The following PHACTR3 variants were observed in gnomAD, a reference collection of about 807,000 sequenced individuals.
The protein encoded by PHACTR3 is phosphatase and actin regulator 3.
PHACTR3 carries 16 observed loss-of-function variants against 66.8 expected under a neutral mutation model. The observed-to-expected ratio is 0.24, with a 90% CI of 0.16 to 0.36. PHACTR3 has a LOEUF of 0.36. Among genes scored for constraint, PHACTR3 ranks in the 10% least tolerant of loss-of-function variants. PHACTR3 has a pLI of 1.00. For missense variants in PHACTR3, 647 were observed against 719.9 expected (o/e 0.90, Z 1.16); for synonymous variants, 323 against 292.1 (o/e 1.11, Z -1.08).
chr20:59,808,619 G>A (rs1412768671), intron 8 of PHACTR3, among the ~76,000 whole-genome samples: 2 of 152,198 alleles, frequency 1.3e-5, no homozygotes, highest in East Asian at 1.9e-4. Context: ...CTCCCGGAGC[G>A]CCAGTGCCTC....
chr20:59,721,675 G>A (rs1284677810), intron 1 of PHACTR3, among the ~76,000 whole-genome samples: 2 of 152,214 alleles, frequency 1.3e-5, no homozygotes, highest in East Asian at 1.9e-4. Context: ...AAAGGGTGAT[G>A]AGTCGGGAGG....
chr20:59,636,236 A>G (rs1349429691), intron 1 of PHACTR3, among the ~76,000 whole-genome samples: 3 of 152,208 alleles, frequency 2.0e-5, no homozygotes, highest in Non-Finnish European at 4.4e-5. Flanking sequence ...GTTATAAGCC[A>G]GTTCCTGAGT....
intron 1 of PHACTR3, among the ~76,000 whole-genome samples, chr20:59,587,423 G>A (rs767781992): frequency 2.1e-4 from 32 of 152,336 alleles, no homozygotes; most frequent in African/African-American, 7.5e-4. Context: ...GGCTTTCCTC[G>A]TGGATGGAGT....
At chr20:59,729,124 G>A (rs1007269119) in intron 1 of PHACTR3, among the ~76,000 whole-genome samples, 1 of 152,110 alleles carries the variant, frequency 6.6e-6, no homozygotes, top group African/African-American at 2.4e-5. Flanking sequence ...CCTAACTCCT[G>A]TGGAAGCCAC....
intron 1 of PHACTR3, among the ~76,000 whole-genome samples, chr20:59,701,197 A>G (rs993893300): frequency 6.6e-6 from 1 of 152,200 alleles, no homozygotes; most frequent in Non-Finnish European, 1.5e-5. Context: ...TTCTCCTTGT[A>G]TTTAGCAAAA....
intron 1 of PHACTR3, among the ~76,000 whole-genome samples, chr20:59,584,304 G>A (rs993467494): frequency 1.3e-5 from 2 of 151,682 alleles, no homozygotes; most frequent in African/African-American, 4.8e-5. Flanking sequence ...GTGCCTGTGT[G>A]TGACTGTGTG....
At chr20:59,580,832 T>G (rs1333035313) in intron 1 of PHACTR3, among the ~76,000 whole-genome samples, 2 of 152,204 alleles carry the variant, frequency 1.3e-5, no homozygotes, top group Non-Finnish European at 2.9e-5. Flanking sequence ...CTTAGCAGGC[T>G]TTTCTGGTAG....
intron 1 of PHACTR3, among the ~76,000 whole-genome samples, chr20:59,641,435 T>C (rs925300289): frequency 1.3e-5 from 2 of 152,202 alleles, no homozygotes; most frequent in East Asian, 3.8e-4. Context: ...GGAGAGCTAA[T>C]GGTGTAAATT....
rs772879876 is a variant in PHACTR3, at chr20:59,774,292, C to T, written c.976C>T (p.Arg326Cys). ...GTCTCCAAAGAAGCGGCTGGATGTC[C>T]GTCTGTCGAGAACGTCCAGCGTGGA... ...KGSPKKRLDV[R>C]LSRTSSVERG... The change falls in exon 7 of 13, where the codon CGT becomes TGT. Residue 326 changes from arginine (R) to cysteine (C), a missense_variant. By Grantham distance (180) the Arg-to-Cys change is radical (BLOSUM62 -3). This residue lies in a region of PHACTR3 where 577 missense variants were observed against 571.1 expected (regional missense o/e 1.01). Coordinates refer to ENST00000371015, the MANE Select transcript of PHACTR3 (RefSeq NM_080672.5). 6.8e-6 allele frequency: 11 copies of T among 1,609,922 alleles called. No homozygotes were observed. Among genetic ancestry groups the T allele is most frequent in the East Asian group, 2.2e-5 (1 of 44,842 alleles).
intron 3 of PHACTR3, among the ~76,000 whole-genome samples, chr20:59,750,617 C>T (rs138241274): frequency 2.0e-5 from 3 of 152,126 alleles, no homozygotes; most frequent in East Asian, 1.9e-4. Context: ...GCCCACACAC[C>T]GGCTGGGGTG....
At chr20:59,666,775 C>T (rs565359836) in intron 1 of PHACTR3, among the ~76,000 whole-genome samples, 80 of 152,264 alleles carry the variant, frequency 5.3e-4, no homozygotes, top group African/African-American at 7.0e-4. Flanking sequence ...AGCCCACTCC[C>T]GGAGAGGAAG....
At chr20:59,622,981 C>CAAAAAAAAAAAAACAAAAAAAAAAAAA (rs2034301200) in intron 1 of PHACTR3, among the ~76,000 whole-genome samples, 1 of 32,216 alleles carries the variant, frequency 3.1e-5, no homozygotes, top group African/African-American at 1.4e-4. Flanking sequence ...CAGCTTTAAC[C>CAAAAAAAAAAAAACAAAAAAAAAAAAA]AAAAAAAAAA....
chr20:59,775,077 G>A (rs1395588642), intron 7 of PHACTR3, among the ~76,000 whole-genome samples: 1 of 92,104 alleles, frequency 1.1e-5, no homozygotes. Context: ...TCCTCATGGT[G>A]CGTTCTCCCA....
At chr20:59,665,929 G>T (rs2035971521) in intron 1 of PHACTR3, among the ~76,000 whole-genome samples, 1 of 152,170 alleles carries the variant, frequency 6.6e-6, no homozygotes, top group Admixed American at 6.5e-5. Flanking sequence ...CCCTCCGTGG[G>T]CATTGGGCAA....
At chr20:59,614,740 G>A (rs2033973042) in intron 1 of PHACTR3, among the ~76,000 whole-genome samples, 1 of 152,200 alleles carries the variant, frequency 6.6e-6, no homozygotes, top group African/African-American at 2.4e-5. Context: ...TCTCTTGAAA[G>A]TTTGTATCCA....
intron 1 of PHACTR3, among the ~76,000 whole-genome samples, chr20:59,704,396 C>T (rs2037619562): frequency 6.6e-6 from 1 of 152,086 alleles, no homozygotes; most frequent in South Asian, 2.1e-4. Context: ...AGGTCTCCAT[C>T]ACCAAGAGAA....
chr20:59,588,651 A>C (rs1600869826), intron 1 of PHACTR3, among the ~76,000 whole-genome samples: 2 of 147,016 alleles, frequency 1.4e-5, no homozygotes, highest in East Asian at 2.0e-4. Flanking sequence ...CCCACCCCTC[A>C]CCCCTGGCTG....
chr20:59,785,932 C>T (rs532085432), intron 7 of PHACTR3, among the ~76,000 whole-genome samples: 12 of 152,156 alleles, frequency 7.9e-5, no homozygotes, highest in African/African-American at 2.7e-4. Context: ...TTTCCAACGG[C>T]CCTCTGCCTC....
chr20:59,738,111 A>G lies in PHACTR3; in HGVS notation c.119-4996A>G, dbSNP rs1036834450. Reference sequence around the variant, plus strand: ...CTCCTGCCCACCTTCCACCAGTGGAAGCAGTCACATAGCCACAGCAAGAAG... The same window carrying G: ...CTCCTGCCCACCTTCCACCAGTGGAGGCAGTCACATAGCCACAGCAAGAAG... On this transcript the variant is annotated intron_variant, in intron 1 of 12. Coordinates refer to ENST00000371015, the MANE Select transcript of PHACTR3 (RefSeq NM_080672.5). This position sits in a 1 kb window ranked among gnomAD's most constrained non-coding sequence, Gnocchi z 4.4. Among the ~76,000 whole-genome samples, 5 of 152,050 alleles carry G rather than the reference A, an allele frequency of 3.3e-5. No individual in the cohort carries two copies. Among genetic ancestry groups the G allele is most frequent in the African/African-American group, 9.7e-5 (4 of 41,418 alleles).
Sources: gnomAD v4.1 joint callset for allele counts (sites outside exome capture counted in the v4.1 genomes callset) on GRCh38, gnomAD v4.1.1 for gene constraint, gnomAD v4.1.1 regional missense constraint, Gnocchi (gnomAD v3.1) non-coding constraint, MANE v1.5 for transcripts, NCBI Gene and HGNC (gene_info 2026-07-23, HGNC 2026-07-21) for gene names.